THOC2: variants seen among roughly 807,000 people sequenced by gnomAD.
THOC2 encodes the protein THO complex 2.
A neutral mutation model predicts 128.4 loss-of-function variants in THOC2; 10 were observed. The observed-to-expected ratio is 0.08, with a 90% confidence interval of 0.05 to 0.13. THOC2 has a LOEUF of 0.13. Ranked by LOEUF, THOC2 falls within the 10% of genes least tolerant of loss-of-function variation. THOC2 has a pLI of 1.00. For missense variants in THOC2, 535 were observed against 1,155.7 expected, an observed-to-expected ratio of 0.46 and a Z score of 7.79; for synonymous variants, 393 against 396.9, an observed-to-expected ratio of 0.99 and a Z score of 0.12.
chrX:123,614,595 T>C (rs2046821492), intron 33 of THOC2, among the ~76,000 whole-genome samples: 1 of 110,258 alleles, frequency 9.1e-6, no homozygotes, highest in Non-Finnish European at 1.9e-5. Flanking sequence ...AAATTTTAAA[T>C]AGTCTTACCA....
chrX:123,631,453 T>G, intron 22 of THOC2, among the ~76,000 whole-genome samples: 1 of 112,171 alleles, frequency 8.9e-6, no homozygotes, highest in East Asian at 2.8e-4. Flanking sequence ...GCAGTTGATA[T>G]GTAAACACTA....
intron 33 of THOC2, among the ~76,000 whole-genome samples, chrX:123,615,904 CAG>C (rs1346108183): frequency 9.0e-6 from 1 of 111,109 alleles, no homozygotes; most frequent in Non-Finnish European, 1.9e-5. Flanking sequence ...TGCATAAAAA[CAG>C]AGTTTCTCAT....
chrX:123,698,234 C>T (rs370511326), intron 4 of THOC2, among the ~76,000 whole-genome samples: 2 of 110,830 alleles, frequency 1.8e-5, no homozygotes. Flanking sequence ...CCAAGGCGGG[C>T]GGATCATGAG....
intron 4 of THOC2, among the ~76,000 whole-genome samples, chrX:123,701,502 G>C (rs1246040475): frequency 9.0e-6 from 1 of 111,292 alleles, no homozygotes; most frequent in South Asian, 3.7e-4. Flanking sequence ...ATATAATCTA[G>C]TAAGTCAATA....
At chrX:123,646,915 G>A (rs778288687) in intron 12 of THOC2, among the ~76,000 whole-genome samples, 10 of 111,222 alleles carry the variant, frequency 9.0e-5, no homozygotes, top group South Asian at 3.9e-4. Context: ...ATATTATGTC[G>A]GGGAAAAAGA....
intron 15 of THOC2, among the ~76,000 whole-genome samples, chrX:123,644,110 A>G (rs1281251911): frequency 1.8e-5 from 2 of 112,461 alleles, no homozygotes; most frequent in Admixed American, 9.4e-5. Context: ...TTTTTTTAAA[A>G]AAGAAATTTC....
intron 7 of THOC2, among the ~76,000 whole-genome samples, chrX:123,694,513 CAGG>C (rs1294993698): frequency 9.2e-6 from 1 of 108,878 alleles, no homozygotes; most frequent in Non-Finnish European, 1.9e-5. Context: ...GAGGCTGAGG[CAGG>C]AGAACTGCTT....
intron 29 of THOC2, 71 bp from the exon 30 acceptor site, chrX:123,622,931 A>G (rs2147595278): frequency 2.2e-6 from 2 of 915,512 alleles, no homozygotes; most frequent in East Asian, 3.2e-5. Context: ...GAGCAAAATG[A>G]TTAGAGAATA....
intron 8 of THOC2, among the ~76,000 whole-genome samples, chrX:123,680,164 T>A (rs1378044854): frequency 9.1e-6 from 1 of 110,024 alleles, no homozygotes; most frequent in East Asian, 2.9e-4. Context: ...ATCTGTCTCC[T>A]GCTCCTCCCT....
intron 1 of THOC2, among the ~76,000 whole-genome samples, chrX:123,723,427 T>C (rs1039451300): frequency 2.7e-5 from 3 of 111,531 alleles, no homozygotes; most frequent in Non-Finnish European, 3.8e-5. Flanking sequence ...CTACACCTAG[T>C]ATATACTCCA....
intron 17 of THOC2, 92 bp downstream of exon 17, chrX:123,638,842 T>C: frequency 1.8e-6 from 1 of 540,570 alleles, no homozygotes; most frequent in Non-Finnish European, 3.0e-6. Flanking sequence ...CAACCTCAGA[T>C]GGTTACTAAA....
At chrX:123,626,747 C>A in intron 23 of THOC2, 85 bp from the exon 24 acceptor site, 1 of 932,164 alleles carries the variant, frequency 1.1e-6, no homozygotes, top group Admixed American at 3.4e-5. Context: ...GAGATAAAGG[C>A]TGATAGTTTA....
In THOC2 at chrX:123,613,273, C is replaced by T. The variant is rs925750529; in HGVS notation, c.4677+126G>A. 1.5e-5 allele frequency: 10 copies of T among 681,534 alleles called. No homozygotes were observed. The African/African-American group carries it at 2.2e-4, about 15-fold the overall frequency. The allele number at this position is 681,534 out of a possible 1,213,427, so 56.2% of individuals were successfully genotyped here. On this transcript the variant is annotated intron_variant, in intron 36 of 38. Transcript: ENST00000245838. ...AACGGAATGCCCTCCCTCAATACCT[C>T]TTCTTCCCACTCCTAAATAATGAAC...
chrX:123,727,770 T>A (rs1437143373), intron 1 of THOC2, among the ~76,000 whole-genome samples: 2 of 111,960 alleles, frequency 1.8e-5, no homozygotes, highest in Admixed American at 9.5e-5. Flanking sequence ...CAGGCATTCA[T>A]TTTTTCTACT....
chrX:123,689,899 C>G (rs2050148270), intron 7 of THOC2, among the ~76,000 whole-genome samples: 1 of 111,138 alleles, frequency 9.0e-6, no homozygotes, highest in South Asian at 3.7e-4. Context: ...AGCCCAAGCA[C>G]TGATAATCAT....
At chrX:123,640,508 C>T in intron 16 of THOC2, 30 bp downstream of exon 16, 1 of 1,058,427 alleles carries the variant, frequency 9.4e-7, no homozygotes, top group Non-Finnish European at 1.3e-6. Flanking sequence ...AAGAAAAATC[C>T]CTTAAAATAA....
chrX:123,610,371 T>C (rs1418011210), intron 38 of THOC2: 1 of 110,250 alleles, frequency 9.1e-6, no homozygotes, highest in East Asian at 2.8e-4. Context: ...ATATTTTCTG[T>C]TGCAAAACAT....
chrX:123,641,686 G>C (rs1453116423), intron 15 of THOC2, among the ~76,000 whole-genome samples: 2 of 110,763 alleles, frequency 1.8e-5, no homozygotes, highest in Admixed American at 1.9e-4. Flanking sequence ...ATTCCCTTCT[G>C]CCTCCATCAC....
At chrX:123,657,010 C>CA (rs888372625) in intron 12 of THOC2, among the ~76,000 whole-genome samples, 17 of 108,044 alleles carry the variant, frequency 1.6e-4, no homozygotes, top group Non-Finnish European at 2.7e-4. Flanking sequence ...AATTCCACCT[C>CA]AAAAAAAAGG....
Sources: gnomAD v4.1 joint callset for allele counts (sites outside exome capture counted in the v4.1 genomes callset) on GRCh38, gnomAD v4.1.1 for gene constraint, MANE v1.5 for transcripts, NCBI Gene and HGNC (gene_info 2026-07-23, HGNC 2026-07-21) for gene names.